Variants in SLC22A15 observed in about 807,000 individuals in gnomAD.
The protein encoded by SLC22A15 is flipt 1.
In SLC22A15, 45 loss-of-function variants were observed where a neutral mutation model predicts 62.7. The observed-to-expected ratio is 0.72, with a 90% CI of 0.56 to 0.92. The LOEUF (loss-of-function observed/expected upper bound fraction) is 0.92, where lower values mean the gene tolerates loss of function less well. SLC22A15 is among the 40% of genes least tolerant of loss of function. The probability of loss-of-function intolerance (pLI) is 0.00; values close to 1 mark genes in which losing one functional copy is unlikely to be tolerated. For missense variants in SLC22A15, 622 were observed against 665.6 expected (o/e 0.93, Z 0.72); for synonymous variants, 264 against 267.0 (o/e 0.99, Z 0.11).
At chr1:115,989,411 C>G (rs1028792499) in intron 1 of SLC22A15, among the ~76,000 whole-genome samples, 1 of 152,174 alleles carries the variant, frequency 6.6e-6, no homozygotes, top group Non-Finnish European at 1.5e-5. Flanking sequence ...TGGACCATGC[C>G]TCAGATTAGA....
At chr1:116,055,779 A>T (rs1395232223) in intron 8 of SLC22A15, among the ~76,000 whole-genome samples, 6 of 144,550 alleles carry the variant, frequency 4.2e-5, no homozygotes, top group Admixed American at 3.5e-4. Context: ...GTAATCCAGC[A>T]TATAAACAGA....
chr1:115,986,446 A>G (rs1242797617), intron 1 of SLC22A15, among the ~76,000 whole-genome samples: 1 of 152,190 alleles, frequency 6.6e-6, no homozygotes, highest in African/African-American at 2.4e-5. Flanking sequence ...TCCCCCGTAA[A>G]TAATACAGCC....
chr1:116,006,121 C>T (rs1037637855), intron 2 of SLC22A15, among the ~76,000 whole-genome samples: 1 of 152,146 alleles, frequency 6.6e-6, no homozygotes, highest in Admixed American at 6.5e-5. Context: ...GAATATCCCA[C>T]TGTATGTATC....
intron 8 of SLC22A15, among the ~76,000 whole-genome samples, chr1:116,052,671 T>A (rs1658094628): frequency 6.6e-6 from 1 of 152,182 alleles, no homozygotes; most frequent in South Asian, 2.1e-4. Context: ...GGGGGCAGAC[T>A]GACACCTCAC....
At chr1:116,058,484 C>T (rs370169788) in intron 8 of SLC22A15, among the ~76,000 whole-genome samples, 4 of 152,068 alleles carry the variant, frequency 2.6e-5, no homozygotes, top group Non-Finnish European at 4.4e-5. Context: ...GGCATGGATG[C>T]GGGTGATCAG....
At chr1:116,040,190 G>C (rs772365718) in intron 8 of SLC22A15, among the ~76,000 whole-genome samples, 1 of 152,170 alleles carries the variant, frequency 6.6e-6, no homozygotes, top group Non-Finnish European at 1.5e-5. Context: ...AGATTGTTTG[G>C]CATTCCTCAG....
chr1:115,987,917 C>T (rs1285614592), intron 1 of SLC22A15, among the ~76,000 whole-genome samples: 1 of 152,158 alleles, frequency 6.6e-6, no homozygotes, highest in Admixed American at 6.5e-5. Flanking sequence ...CATGACTTCA[C>T]AGCACAAGGT....
rs541437166 is a variant in SLC22A15 at position 116,023,448 on chromosome 1, T to C, written c.598+2563T>C. 1.8e-4 allele frequency among the ~76,000 whole-genome samples: 27 copies of C among 152,324 alleles called. 1 individual carries two copies. In the South Asian group the frequency reaches 5.6e-3, roughly 32 times the overall value. On this transcript the variant is annotated intron_variant, in intron 4 of 11. Transcript: ENST00000369503. ...ACACGTCATCAAACTAAAGAATACA[T>C]GTAGTCCTATTCCCCTAGAGACGAC...
chr1:115,982,453 T>G (rs1472389522), intron 1 of SLC22A15, among the ~76,000 whole-genome samples: 2 of 152,224 alleles, frequency 1.3e-5, no homozygotes, highest in Non-Finnish European at 2.9e-5. Flanking sequence ...ATTTTGTCTC[T>G]CAGCAATGTT....
chr1:115,982,815 GT>G (rs989072174), intron 1 of SLC22A15, among the ~76,000 whole-genome samples: 36 of 152,278 alleles, frequency 2.4e-4, no homozygotes, highest in African/African-American at 7.9e-4. Context: ...TACTTCAAAA[GT>G]TTTTTTCATC....
chr1:115,986,679 T>C (rs1330137434), intron 1 of SLC22A15, among the ~76,000 whole-genome samples: 2 of 152,178 alleles, frequency 1.3e-5, no homozygotes, highest in Non-Finnish European at 2.9e-5. Context: ...TTGCAGCTTA[T>C]TGGAAATGCA....
chr1:116,058,822 G>A (rs547099878), intron 8 of SLC22A15, among the ~76,000 whole-genome samples: 24 of 152,302 alleles, frequency 1.6e-4, no homozygotes, highest in Admixed American at 1.3e-3. Flanking sequence ...CAGTGACCTG[G>A]ATGAGATTGG....
At chr1:116,019,044 T>C (rs1250379211) in intron 2 of SLC22A15, among the ~76,000 whole-genome samples, 2 of 152,258 alleles carry the variant, frequency 1.3e-5, no homozygotes, top group Non-Finnish European at 2.9e-5. Context: ...GGTGTACAAA[T>C]ATCTTTTCGT....
intron 2 of SLC22A15, 71 bp downstream of exon 2, chr1:115,992,314 T>C (rs1042472868): frequency 7.7e-7 from 1 of 1,297,544 alleles, no homozygotes. Context: ...CTTTTTGTCT[T>C]GCTGATTTAA....
chr1:116,020,758 A>AT lies in SLC22A15; in HGVS notation c.475dup (p.Ser159PhefsTer5). The AT allele has an allele frequency of 6.2e-7, 1 of 1,612,444 alleles. No individual in the cohort carries two copies. Among genetic ancestry groups the AT allele is most frequent in the Non-Finnish European group, 8.5e-7 (1 of 1,179,082 alleles). ...ACATCTTATTTGCAATTGCAAATGG[A>AT]TTTTCCCCCTCATATGAGTTCTTTG... On this transcript the variant is annotated frameshift_variant, in exon 4 of 12. Transcript: ENST00000369503. LOFTEE classifies it high-confidence loss of function.
chr1:116,007,981 T>C (rs1368915124), intron 2 of SLC22A15, among the ~76,000 whole-genome samples: 6 of 152,276 alleles, frequency 3.9e-5, no homozygotes, highest in Admixed American at 2.6e-4. Context: ...CAGCCATTTG[T>C]GGCAGCCCCA....
chr1:116,053,529 A>G (rs1658118226), intron 8 of SLC22A15, among the ~76,000 whole-genome samples: 1 of 152,340 alleles, frequency 6.6e-6, no homozygotes, highest in South Asian at 2.1e-4. Flanking sequence ...GCAGGCCAAC[A>G]TTCAGATTCA....
At chr1:116,002,284 G>A (rs1159280580) in intron 2 of SLC22A15, among the ~76,000 whole-genome samples, 1 of 152,184 alleles carries the variant, frequency 6.6e-6, no homozygotes, top group Non-Finnish European at 1.5e-5. Flanking sequence ...ACTGTACTGG[G>A]TCACACATGA....
At chr1:116,003,429 G>T (rs1238730351) in intron 2 of SLC22A15, among the ~76,000 whole-genome samples, 2 of 152,166 alleles carry the variant, frequency 1.3e-5, no homozygotes, top group South Asian at 2.1e-4. Context: ...TAGGCCACAA[G>T]AACTAGTTTA....
Sources: allele counts gnomAD v4.1 joint callset (sites outside exome capture counted in the v4.1 genomes callset), GRCh38; gene constraint gnomAD v4.1.1; transcripts MANE v1.5; gene names NCBI Gene and HGNC (gene_info 2026-07-23, HGNC 2026-07-21).